Variants in SOST observed in about 807,000 individuals in gnomAD.
SOST encodes sclerostin, also known as sclerosteosis.
Under a neutral mutation model 16.7 loss-of-function variants are expected in SOST, and 14 were observed. That is an observed-to-expected ratio of 0.84 (90% CI 0.55 to 1.31). The LOEUF is 1.31. Among genes scored for constraint, SOST ranks in the 50% most tolerant of loss-of-function variants. The pLI, the probability that SOST is intolerant of heterozygous loss-of-function variation, is 0.00. For synonymous variants in SOST, 150 were observed against 140.9 expected (o/e 1.06, Z -0.46); for missense variants, 291 against 310.7 (o/e 0.94, Z 0.48).
Position 43,755,131 on chromosome 17 carries a change from C to G in SOST, c.*211G>C, listed in dbSNP as rs1376741697. The G allele has an allele frequency of 1.7e-5, 9 of 533,000 alleles. No homozygotes were observed. The East Asian group carries it at 2.7e-4, about 16-fold the overall frequency. The allele number at this position is 533,000 out of a possible 1,614,324, so 33.0% of individuals were successfully genotyped here. A position where few individuals can be genotyped will look rare whatever the true frequency, so the allele number is the denominator to read the frequency against. Reference sequence around the variant, plus strand: ...AGTGTCTGTGACTCTCAATTCCCTCCCCTGCCCCGTGGGACCCCTCAGCTG... The same window carrying G: ...AGTGTCTGTGACTCTCAATTCCCTCGCCTGCCCCGTGGGACCCCTCAGCTG... On this transcript the variant is annotated 3_prime_UTR_variant, in exon 2 of 2. Coordinates refer to ENST00000301691, the MANE Select transcript of SOST (RefSeq NM_025237.3). This position sits in a 1 kb window ranked among gnomAD's most constrained non-coding sequence, Gnocchi z 4.3.
Position 43,754,946 on chromosome 17 carries a change from A to C in SOST, c.*396T>G. The C allele has an allele frequency of 5.3e-6, 1 of 187,324 alleles. No individual in the cohort carries two copies. Among genetic ancestry groups the C allele is most frequent in the Non-Finnish European group, 1.1e-5 (1 of 92,882 alleles). 11.6% of individuals were successfully genotyped at this position (187,324 alleles called of 1,614,324 possible). The stretch of plus-strand genomic sequence containing the variant: ...GGCTTTCTGATGGGCAGCGAGGTGC[A>C]AGGGGGAATCTTATCCAACTTTCTT... On this transcript the variant is annotated 3_prime_UTR_variant, in exon 2 of 2. Coordinates refer to ENST00000301691, the MANE Select transcript of SOST (RefSeq NM_025237.3).
In SOST at chr17:43,758,631, G is replaced by A. The variant is rs1340438058; in HGVS notation, c.111C>T (p.Ile37=). ...GCTCGGGGTACTCTCCGAGCTCGGGGATGATTTCCGTGGCATCATTCTTGA... is the reference window on the plus strand; with the variant it reads ...GCTCGGGGTACTCTCCGAGCTCGGGAATGATTTCCGTGGCATCATTCTTGA... ...QAFKNDATEI[I]PELGEYPEPP... Residue 37 remains isoleucine (I), a synonymous_variant, in exon 1 of 2, where the codon ATC becomes ATT. Coordinates refer to ENST00000301691, the MANE Select transcript of SOST (RefSeq NM_025237.3). 6.2e-7 allele frequency: 1 copy of A among 1,614,136 alleles called. No homozygotes were observed.
chr17:43,757,685 G>A (rs1363574781), intron 1 of SOST, among the ~76,000 whole-genome samples: 1 of 152,134 alleles, frequency 6.6e-6, no homozygotes, highest in African/African-American at 2.4e-5. Flanking sequence ...CTGGAATGAG[G>A]CAAGGTTGGG....
chr17:43,757,851 G>A (rs1329100789), intron 1 of SOST, among the ~76,000 whole-genome samples: 1 of 152,196 alleles, frequency 6.6e-6, no homozygotes, highest in Non-Finnish European at 1.5e-5. Context: ...CAGGCCGTGG[G>A]CAATGCACAC....
chr17:43,755,959 A>G lies in SOST; in HGVS notation c.221-196T>C, dbSNP rs1256353268. On this transcript the variant is annotated intron_variant, in intron 1 of 1. Coordinates refer to ENST00000301691, the MANE Select transcript of SOST (RefSeq NM_025237.3). The surrounding 1 kb of genome is among the most constrained non-coding windows in gnomAD (Gnocchi z 4.3). ...TCTCCTGCGCACCCTGTCCCCTCGG[A>G]GCCAAATGACTGCTGGGGTTCAAAC... 6.6e-6 allele frequency among the ~76,000 whole-genome samples: 1 copy of G among 152,172 alleles called. No homozygotes were observed. The highest frequency in any genetic ancestry group is 2.4e-5 in the African/African-American group (1 of 41,442).
At chr17:43,758,167 G>A (rs1974150924) in intron 1 of SOST, among the ~76,000 whole-genome samples, 3 of 152,096 alleles carry the variant, frequency 2.0e-5, no homozygotes, top group African/African-American at 7.3e-5. Flanking sequence ...CTTCCCAGTG[G>A]TACCAGCAGC....
At position 43,757,002 on chromosome 17, in the gene SOST, C is replaced by T. The variant is rs538348855; in HGVS notation, c.221-1239G>A. On this transcript the variant is annotated intron_variant, in intron 1 of 1. Transcript: ENST00000301691. ...AGAGAGGGGACAGAGAAGGCCACCC[C>T]CCACCCCCACTCTGAAGAGCAAGCA... Among the ~76,000 whole-genome samples the T allele has an allele frequency of 4.6e-5, 7 of 152,270 alleles. No homozygotes were observed. In the East Asian group the frequency reaches 7.7e-4, roughly 17 times the overall value.
At chr17:43,756,997 C>G (rs991383730) in intron 1 of SOST, among the ~76,000 whole-genome samples, 1 of 152,108 alleles carries the variant, frequency 6.6e-6, no homozygotes, top group Non-Finnish European at 1.5e-5. Flanking sequence ...CAGAGAAGGC[C>G]ACCCCCCACC....
Position 43,755,578 on chromosome 17 carries a change from G to T in SOST, c.406C>A (p.Pro136Thr). Residue 136 changes from proline to threonine, a missense_variant, in exon 2 of 2, where the codon CCC becomes ACC. Coordinates refer to ENST00000301691, the MANE Select transcript of SOST (RefSeq NM_025237.3). This position sits in a 1 kb window ranked among gnomAD's most constrained non-coding sequence, Gnocchi z 4.3. Reference protein sequence around the residue: ...RPSGPDFRCIPDRYRAQRVQL... With the variant: ...RPSGPDFRCITDRYRAQRVQL... ...ACGCGCTGCGCGCGGTAGCGGTCGG[G>T]GATGCAGCGGAAGTCGGGCCCACTA... 1 of 1,593,752 alleles carries T rather than the reference G, an allele frequency of 6.3e-7. No homozygotes were observed. The highest frequency in any genetic ancestry group is 8.5e-7 in the Non-Finnish European group (1 of 1,175,870).
rs780124333 is a variant in SOST at position 43,758,504 on chromosome 17, C to T, written c.220+18G>A. ...TCCCCAGGATCTTTTACTAAGAATT[C>T]TCTCCTCCACCCCATACCTTTGGTC... On this transcript the variant is annotated intron_variant, in intron 1 of 1. Transcript: ENST00000301691. 37 of 1,599,640 alleles carry T rather than the reference C, an allele frequency of 2.3e-5. No homozygotes were observed. In the Admixed American group the frequency reaches 5.9e-4, roughly 25 times the overall value.
In SOST at chr17:43,755,429, C is replaced by T. The variant is rs752580629; in HGVS notation, c.555G>A (p.Glu185=). The T allele has an allele frequency of 9.4e-6, 15 of 1,593,842 alleles. No individual in the cohort carries two copies. In the Admixed American group the frequency reaches 2.0e-4, roughly 21 times the overall value. Reference sequence around the variant, plus strand: ...TCCGGCCCTTCTGCGGCCGAGCGGCCTCGGTCCCGAAGTCCTTGAGCTCCG... The same window carrying T: ...TCCGGCCCTTCTGCGGCCGAGCGGCTTCGGTCCCGAAGTCCTTGAGCTCCG... ...NQSELKDFGT[E]AARPQKGRKP... The change falls in exon 2 of 2, where the codon GAG becomes GAA. Residue 185 remains glutamate (E), a synonymous_variant. Coordinates refer to ENST00000301691, the MANE Select transcript of SOST (RefSeq NM_025237.3). This position sits in a 1 kb window ranked among gnomAD's most constrained non-coding sequence, Gnocchi z 4.3.
chr17:43,755,245 TG>T lies in SOST; in HGVS notation c.*96del. ...TGCCCTGGGTTGCAGGCATTTACAA[TG>T]AAATATAAACAATCAAACCACGCGC... On this transcript the variant is annotated 3_prime_UTR_variant, in exon 2 of 2. Transcript: ENST00000301691. The surrounding 1 kb of genome is among the most constrained non-coding windows in gnomAD (Gnocchi z 4.3). The T allele has an allele frequency of 8.3e-7, 1 of 1,209,066 alleles. No homozygotes were observed. The highest frequency in any genetic ancestry group is 1.6e-5 in the African/African-American group (1 of 62,654). The allele number at this position is 1,209,066 out of a possible 1,614,324, so 74.9% of individuals were successfully genotyped here.
Position 43,755,776 on chromosome 17 carries a change from G to A in SOST, c.221-13C>T. ...TACTCGGACACGTCTGTGGAGAGAG[G>A]CGCGCGTGAGGGTGGCCGCCCGCCT... On this transcript the variant is annotated splice_polypyrimidine_tract_variant and intron_variant, in intron 1 of 1. Transcript: ENST00000301691. This position sits in a 1 kb window ranked among gnomAD's most constrained non-coding sequence, Gnocchi z 4.3. 6.4e-7 allele frequency: 1 copy of A among 1,571,418 alleles called. No individual in the cohort carries two copies. Among genetic ancestry groups the A allele is most frequent in the Non-Finnish European group, 8.6e-7 (1 of 1,168,114 alleles).
Position 43,755,231 on chromosome 17 carries a change from G to T in SOST, c.*111C>A. On this transcript the variant is annotated 3_prime_UTR_variant, in exon 2 of 2. Transcript: ENST00000301691. The surrounding 1 kb of genome is among the most constrained non-coding windows in gnomAD (Gnocchi z 4.3). ...AGGTCTCAGCCCCCTGCCCTGGGTT[G>T]CAGGCATTTACAATGAAATATAAAC... is the stretch of plus-strand genomic sequence containing the variant. 1 of 1,112,484 alleles carries T rather than the reference G, an allele frequency of 9.0e-7. No homozygotes were observed. Among genetic ancestry groups the T allele is most frequent in the Non-Finnish European group, 1.2e-6 (1 of 822,486 alleles). The allele number at this position is 1,112,484 out of a possible 1,614,324, so 68.9% of individuals were successfully genotyped here. A position where few individuals can be genotyped will look rare whatever the true frequency, so the allele number is the denominator to read the frequency against.
intron 1 of SOST, among the ~76,000 whole-genome samples, 165 bp downstream of exon 1, chr17:43,758,357 G>T (rs1041899631): frequency 6.6e-6 from 1 of 152,134 alleles, no homozygotes; most frequent in African/African-American, 2.4e-5. Context: ...GGCTGCACCA[G>T]CGAGCCATTC....
rs1420343521 is a variant in SOST, at chr17:43,755,622, C to T, written c.362G>A (p.Arg121His). Residue 121 changes from arginine to histidine, a missense_variant, in exon 2 of 2, where the codon CGC (arginine) becomes CAC (histidine). Physicochemically the swap from Arg to His is conservative, Grantham distance 29 (BLOSUM62 0). Coordinates refer to ENST00000301691, the MANE Select transcript of SOST (RefSeq NM_025237.3). The surrounding 1 kb of genome is among the most constrained non-coding windows in gnomAD (Gnocchi z 4.3). ...PARLLPNAIG[R>H]GKWWRPSGPD... Reference sequence around the variant, plus strand: ...CCCACTAGGTCGCCACCACTTGCCGCGGCCGATGGCGTTGGGCAGCAGGCG... The same window carrying T: ...CCCACTAGGTCGCCACCACTTGCCGTGGCCGATGGCGTTGGGCAGCAGGCG... 5 of 1,582,420 alleles carry T rather than the reference C, an allele frequency of 3.2e-6. No homozygotes were observed. The South Asian group carries it at 3.4e-5, about 11-fold the overall frequency.
intron 1 of SOST, among the ~76,000 whole-genome samples, chr17:43,756,624 G>A (rs1215525299): frequency 1.3e-5 from 2 of 152,138 alleles, no homozygotes; most frequent in African/African-American, 4.8e-5. Flanking sequence ...GGAGCTGAGG[G>A]CTGCTTTTTA....
Position 43,755,862 on chromosome 17 carries a change from T to A in SOST, c.221-99A>T. On this transcript the variant is annotated intron_variant, in intron 1 of 1. Coordinates refer to ENST00000301691, the MANE Select transcript of SOST (RefSeq NM_025237.3). The surrounding 1 kb of genome is among the most constrained non-coding windows in gnomAD (Gnocchi z 4.3). The stretch of plus-strand genomic sequence containing the variant: ...ACCCCAGCCCTGCTTTTGCCAAGCC[T>A]GTCTCCAGAGGCTTTTGCCCCTGAA... 7.2e-7 allele frequency: 1 copy of A among 1,388,266 alleles called. No individual in the cohort carries two copies. Among genetic ancestry groups the A allele is most frequent in the Non-Finnish European group, 9.7e-7 (1 of 1,028,934 alleles). 86.0% of individuals were successfully genotyped at this position (1,388,266 alleles called of 1,614,324 possible). A position where few individuals can be genotyped will look rare whatever the true frequency, so the allele number is the denominator to read the frequency against.
chr17:43,756,355 G>A (rs1321529004), intron 1 of SOST, among the ~76,000 whole-genome samples: 2 of 152,114 alleles, frequency 1.3e-5, no homozygotes, highest in African/African-American at 4.8e-5. Context: ...TAATAAATCA[G>A]GGCAGCTGCT....
Sources: gnomAD v4.1 joint callset for allele counts (sites outside exome capture counted in the v4.1 genomes callset) on GRCh38, gnomAD v4.1.1 for gene constraint, Gnocchi (gnomAD v3.1) non-coding constraint, MANE v1.5 for transcripts, NCBI Gene and HGNC (gene_info 2026-07-23, HGNC 2026-07-21) for gene names.